CCDC149: variants seen among roughly 807,000 people sequenced by gnomAD.
CCDC149 encodes the protein coiled-coil domain-containing protein 149.
In CCDC149, 45 loss-of-function variants were observed where a neutral mutation model predicts 59.9. The ratio of observed to expected loss-of-function variants is 0.75; its 90% CI spans 0.59 to 0.96. The LOEUF (loss-of-function observed/expected upper bound fraction) is 0.96, where lower values mean the gene tolerates loss of function less well. Among genes scored for constraint, CCDC149 ranks in the 40% least tolerant of loss-of-function variants. The probability of loss-of-function intolerance (pLI) is 0.00; values close to 1 mark genes in which losing one functional copy is unlikely to be tolerated. For missense variants in CCDC149, 584 were observed against 664.7 expected (o/e 0.88, Z 1.33); for synonymous variants, 245 against 260.6 (o/e 0.94, Z 0.58).
chr4:24,946,975 C>A (rs1253148769), intron 1 of CCDC149, among the ~76,000 whole-genome samples: 5 of 152,198 alleles, frequency 3.3e-5, no homozygotes, highest in African/African-American at 1.2e-4. Flanking sequence ...AGCCACTTTA[C>A]AATGCTTTCC....
At chr4:24,876,959 A>G (rs1400985205) in intron 1 of CCDC149, among the ~76,000 whole-genome samples, 1 of 152,210 alleles carries the variant, frequency 6.6e-6, no homozygotes, top group Non-Finnish European at 1.5e-5. Context: ...AAATGGGTAA[A>G]CAGGTAGACA....
At chr4:24,903,536 AC>A in intron 1 of CCDC149, among the ~76,000 whole-genome samples, 1 of 152,318 alleles carries the variant, frequency 6.6e-6, no homozygotes, top group South Asian at 2.1e-4. Context: ...GCAATAGCTA[AC>A]TGTTTTGAAT....
At chr4:24,891,835 C>T (rs925428933) in intron 1 of CCDC149, among the ~76,000 whole-genome samples, 2 of 151,892 alleles carry the variant, frequency 1.3e-5, no homozygotes, top group African/African-American at 4.8e-5. Context: ...TCCTTCTCTA[C>T]AATTTTTTTT....
chr4:24,871,796 T>C (rs1326772351), intron 3 of CCDC149, among the ~76,000 whole-genome samples: 2 of 152,232 alleles, frequency 1.3e-5, no homozygotes, highest in African/African-American at 2.4e-5. Flanking sequence ...CTTGTATTTT[T>C]AGAGCTGTAA....
chr4:24,963,562 G>C (rs1723709625), intron 1 of CCDC149, among the ~76,000 whole-genome samples: 1 of 152,190 alleles, frequency 6.6e-6, no homozygotes, highest in African/African-American at 2.4e-5. Context: ...CCTGGAGTCA[G>C]TGGACCCAAT....
intron 1 of CCDC149, among the ~76,000 whole-genome samples, chr4:24,979,366 T>C (rs554357914): frequency 6.6e-6 from 1 of 152,254 alleles, no homozygotes; most frequent in East Asian, 1.9e-4. Context: ...ATCTTCAGGA[T>C]AGGCTGCAGG....
chr4:24,946,419 A>C (rs1723111083), intron 1 of CCDC149, among the ~76,000 whole-genome samples: 2 of 152,206 alleles, frequency 1.3e-5, no homozygotes, highest in Non-Finnish European at 2.9e-5. Flanking sequence ...GTTAAAGAGG[A>C]ATGAGAACTT....
intron 3 of CCDC149, among the ~76,000 whole-genome samples, chr4:24,872,731 G>A (rs1719121689): frequency 6.8e-6 from 1 of 146,396 alleles, no homozygotes; most frequent in South Asian, 2.2e-4. Context: ...CCGCCAAATG[G>A]TAAGCACCCA....
At chr4:24,917,286 G>T (rs992215070), upstream of CCDC149, among the ~76,000 whole-genome samples, 1 of 152,192 alleles carries the variant, frequency 6.6e-6, no homozygotes, top group African/African-American at 2.4e-5. Context: ...CTCCAGCCCC[G>T]CTGGCTGCCA....
At chr4:24,908,219 C>T (rs563421906) in intron 1 of CCDC149, among the ~76,000 whole-genome samples, 66 of 152,218 alleles carry the variant, frequency 4.3e-4, no homozygotes, top group African/African-American at 1.4e-3. Flanking sequence ...CAGTAAATTG[C>T]CTCTAAGCTG....
intron 3 of CCDC149, among the ~76,000 whole-genome samples, chr4:24,860,728 G>A (rs1327651959): frequency 1.3e-5 from 2 of 151,938 alleles, no homozygotes; most frequent in Non-Finnish European, 2.9e-5. Flanking sequence ...GAATCTACAA[G>A]GAACTCAAGC....
upstream of CCDC149, among the ~76,000 whole-genome samples, chr4:24,916,295 C>T (rs900820514): frequency 2.0e-5 from 3 of 152,096 alleles, no homozygotes; most frequent in African/African-American, 7.2e-5. Flanking sequence ...TGATGCTTTT[C>T]ACTTTTAAAA....
At chr4:24,893,444 A>G (rs1577459095) in intron 1 of CCDC149, among the ~76,000 whole-genome samples, 1 of 152,140 alleles carries the variant, frequency 6.6e-6, no homozygotes, top group Admixed American at 6.5e-5. Context: ...TTGGACACCC[A>G]ATATTGTAAG....
chr4:24,905,408 TGCGTGC>T (rs770010016), intron 1 of CCDC149, among the ~76,000 whole-genome samples: 2,829 of 70,360 alleles, frequency 0.04, 34 homozygotes, highest in Middle Eastern at 0.056. Context: ...TCTTTTTGCG[TGCGTGC>T]GTGTGTGTGT....
chr4:24,844,291 C>T (rs1453233257), intron 4 of CCDC149, among the ~76,000 whole-genome samples: 1 of 152,166 alleles, frequency 6.6e-6, no homozygotes, highest in African/African-American at 2.4e-5. Context: ...TCCTCAAATG[C>T]TTCTTAGATC....
chr4:24,860,588 A>G (rs1577420129), intron 3 of CCDC149, among the ~76,000 whole-genome samples: 1 of 152,346 alleles, frequency 6.6e-6, no homozygotes, highest in African/African-American at 2.4e-5. Flanking sequence ...ACAAAGATAA[A>G]TAGATGGGAC....
chr4:24,822,518 A>G lies in CCDC149; in HGVS notation c.1021T>C (p.Ser341Pro), dbSNP rs747078673. The G allele has an allele frequency of 6.5e-7, 1 of 1,536,724 alleles. No homozygotes were observed. The highest frequency in any genetic ancestry group is 1.2e-5 in the South Asian group (1 of 81,368). Residue 341 changes from serine (S) to proline (P), a missense_variant, in exon 10 of 13, where the codon TCT becomes CCT. Ser to Pro is a moderately conservative substitution (Grantham distance 74). Transcript: ENST00000635206. ...TTACCTGGAAGACTCCACAAACCAG[A>G]AACTTCCAGAGTTCTTAATTTTTTT...
chr4:24,843,012 T>TA (rs59079628), intron 4 of CCDC149, among the ~76,000 whole-genome samples: 308 of 147,808 alleles, frequency 2.1e-3, no homozygotes, highest in African/African-American at 6.6e-3. Flanking sequence ...GTGACTTGTT[T>TA]AAAAAAAAAA....
intron 3 of CCDC149, among the ~76,000 whole-genome samples, chr4:24,853,819 T>A (rs973416540): frequency 1.3e-5 from 2 of 152,160 alleles, no homozygotes; most frequent in African/African-American, 4.8e-5. Flanking sequence ...AGAGAAGAAG[T>A]CAGTGACGAG....
Sources: allele counts gnomAD v4.1 joint callset (sites outside exome capture counted in the v4.1 genomes callset), GRCh38; gene constraint gnomAD v4.1.1; transcripts MANE v1.5; gene names NCBI Gene and HGNC (gene_info 2026-07-23, HGNC 2026-07-21).